Variants in SLC2A9 observed in about 807,000 individuals in gnomAD.
The protein encoded by SLC2A9 is solute carrier family 2, facilitated glucose transporter member 9.
Under a neutral mutation model 50.6 loss-of-function variants are expected in SLC2A9, and 39 were observed. That is an observed-to-expected ratio of 0.77 (90% CI 0.60 to 1.01). SLC2A9 has a LOEUF of 1.01. SLC2A9 is among the 50% of genes least tolerant of loss of function. The pLI, the probability that SLC2A9 is intolerant of heterozygous loss-of-function variation, is 0.00. For missense variants in SLC2A9, 686 were observed against 677.6 expected (o/e 1.01, Z -0.14); for synonymous variants, 324 against 276.9 (o/e 1.17, Z -1.69).
At chr4:9,970,460 C>T (rs1346627133) in intron 5 of SLC2A9, among the ~76,000 whole-genome samples, 1 of 152,014 alleles carries the variant, frequency 6.6e-6, no homozygotes, top group African/African-American at 2.4e-5. Context: ...CTGGGCATCC[C>T]TGCTTTGGGG....
chr4:9,936,368 C>T (rs187218247), intron 6 of SLC2A9, among the ~76,000 whole-genome samples: 2 of 152,298 alleles, frequency 1.3e-5, no homozygotes, highest in African/African-American at 4.8e-5. Flanking sequence ...AGTCACACAG[C>T]TGTGGTATGG....
Position 9,996,785 on chromosome 4 carries a change from C to T in SLC2A9, c.406G>A (p.Gly136Arg). ...LIVKMIGKVL[G>R]RKHTLLANNG... is the part of the protein sequence containing the mutation. ...TAGAGACAGCCTCCTACTGACCTCC[C>T]AAGAACCTTTCCAATCATCTTCACA... Residue 136 changes from glycine to arginine, a missense_variant, in exon 3 of 12, where the codon GGG (glycine) becomes AGG (arginine). By Grantham distance (125) the Gly-to-Arg change is moderately radical. Transcript: ENST00000264784. 10 of 1,613,624 alleles carry T rather than the reference C, an allele frequency of 6.2e-6. No individual in the cohort carries two copies. Among genetic ancestry groups the T allele is most frequent in the Non-Finnish European group, 8.5e-6 (10 of 1,179,700 alleles).
intron 3 of SLC2A9, among the ~76,000 whole-genome samples, chr4:9,790,421 T>C (rs1254123592): frequency 2.0e-5 from 3 of 152,152 alleles, no homozygotes; most frequent in African/African-American, 7.2e-5. Context: ...AATTTGTAGA[T>C]TTGGGAAAGC....
chr4:9,994,836 G>C (rs748563016), intron 3 of SLC2A9, among the ~76,000 whole-genome samples: 1 of 152,040 alleles, frequency 6.6e-6, no homozygotes, highest in Non-Finnish European at 1.5e-5. Flanking sequence ...AAAGCAAGGA[G>C]ACATCACAGG....
rs138627925 is a variant in SLC2A9 at position 10,021,271 on chromosome 4, C to T, written c.150+9G>A. 4,759 of 1,612,978 alleles carry T rather than the reference C, an allele frequency of 3.0e-3. 11 individuals carry two copies. The highest frequency in any genetic ancestry group is 9.5e-3 in the Middle Eastern group (49 of 5,174). ...CCGCCAGCCATGCAGAAAAGCTGTC[C>T]GTAGTTACCTTTCTTCTCCTTCCAC... On this transcript the variant is annotated intron_variant, in intron 1 of 11. Transcript: ENST00000264784.
downstream of SLC2A9, among the ~76,000 whole-genome samples, chr4:9,778,053 T>TTCCTTCC (rs1717807321): frequency 7.1e-4 from 10 of 14,058 alleles, no homozygotes; most frequent in East Asian, 4.1e-3. Context: ...TCTTTCTTTC[T>TTCCTTCC]TTCCTTCCTT....
At chr4:9,914,490 G>A (rs1398823669) in intron 7 of SLC2A9, among the ~76,000 whole-genome samples, 2 of 152,286 alleles carry the variant, frequency 1.3e-5, no homozygotes, top group Admixed American at 6.5e-5. Flanking sequence ...GTTGCACCCC[G>A]ACTACAGCTG....
chr4:9,911,385 C>T (rs944722424), intron 7 of SLC2A9, among the ~76,000 whole-genome samples: 1 of 152,162 alleles, frequency 6.6e-6, no homozygotes, highest in African/African-American at 2.4e-5. Context: ...GGGAAGGTGA[C>T]TGCCTTCAGC....
chr4:10,000,599 T>C (rs1759609204), intron 2 of SLC2A9, among the ~76,000 whole-genome samples: 1 of 152,208 alleles, frequency 6.6e-6, no homozygotes, highest in Non-Finnish European at 1.5e-5. Flanking sequence ...TGGCTCCTAG[T>C]AGCAGTTTTG....
intron 3 of SLC2A9, among the ~76,000 whole-genome samples, chr4:9,800,436 T>G (rs570265259): frequency 6.6e-6 from 1 of 152,210 alleles, no homozygotes; most frequent in South Asian, 2.1e-4. Flanking sequence ...GACACAGGCA[T>G]GTATAGAAGA....
At chr4:9,895,618 A>G (rs750640007) in intron 8 of SLC2A9, among the ~76,000 whole-genome samples, 1 of 152,174 alleles carries the variant, frequency 6.6e-6, no homozygotes, top group Non-Finnish European at 1.5e-5. Flanking sequence ...GCCCTTCCCC[A>G]CAGGGCTGGG....
rs539432087 is a variant in SLC2A9 at position 9,869,008 on chromosome 4, G to C, written c.1291+18559C>G. On this transcript the variant is annotated intron_variant, in intron 10 of 11. Transcript: ENST00000264784. ...AAGAGGTTATTCCCTGCTCAGCCAG[G>C]CTCCCTGATGTTTTTATTTTAGTGT... is the stretch of plus-strand genomic sequence containing the variant. Among the ~76,000 whole-genome samples, 13 of 152,188 alleles carry C rather than the reference G, an allele frequency of 8.5e-5. No homozygotes were observed. The South Asian group carries it at 1.2e-3, about 15-fold the overall frequency.
chr4:9,962,929 G>A (rs148498525), intron 5 of SLC2A9, among the ~76,000 whole-genome samples: 5 of 152,246 alleles, frequency 3.3e-5, no homozygotes, highest in Non-Finnish European at 5.9e-5. Context: ...TATTCCCTGT[G>A]CCTGGAATGG....
intron 7 of SLC2A9, among the ~76,000 whole-genome samples, chr4:9,917,701 C>G (rs1743136320): frequency 6.6e-6 from 1 of 152,158 alleles, no homozygotes; most frequent in African/African-American, 2.4e-5. Context: ...ACTGAGCCAT[C>G]TGTGATGTTT....
Position 10,019,081 on chromosome 4 carries a change from G to A in SLC2A9, c.151-8C>T. On this transcript the variant is annotated splice_polypyrimidine_tract_variant and splice_region_variant and intron_variant, in intron 1 of 11. Transcript: ENST00000264784. ...GAGCGAGCAGGACCAGTCCTGAGGGGAGAGGAAACCACGTCAGAGCCGGCA... is the reference window on the plus strand; with the variant it reads ...GAGCGAGCAGGACCAGTCCTGAGGGAAGAGGAAACCACGTCAGAGCCGGCA... 1.3e-6 allele frequency: 2 copies of A among 1,550,914 alleles called. No individual in the cohort carries two copies. The highest frequency in any genetic ancestry group is 1.7e-4 in the Middle Eastern group (1 of 5,842).
chr4:9,971,437 C>T (rs1337058835), intron 5 of SLC2A9, among the ~76,000 whole-genome samples: 1 of 152,116 alleles, frequency 6.6e-6, no homozygotes, highest in Non-Finnish European at 1.5e-5. Context: ...TAGTAAATGC[C>T]TACAGAATAG....
At chr4:9,827,787 T>TC (rs1307276741) in intron 11 of SLC2A9, among the ~76,000 whole-genome samples, 1 of 152,152 alleles carries the variant, frequency 6.6e-6, no homozygotes, top group Non-Finnish European at 1.5e-5. Context: ...TACAAAGACT[T>TC]CAAGAGTAGT....
intron 3 of SLC2A9, chr4:9,782,131 G>A (rs1252108593): frequency 6.4e-7 from 1 of 1,551,150 alleles, no homozygotes; most frequent in East Asian, 2.3e-5. Flanking sequence ...CGGGGGCACC[G>A]CCACTGGGGC....
chr4:9,834,005 C>G (rs779748649), intron 11 of SLC2A9, among the ~76,000 whole-genome samples: 66 of 152,192 alleles, frequency 4.3e-4, no homozygotes, highest in Non-Finnish European at 8.1e-4. Context: ...GATCCTCTCT[C>G]TCACCCATCT....
Sources: gnomAD v4.1 joint callset for allele counts (sites outside exome capture counted in the v4.1 genomes callset) on GRCh38, gnomAD v4.1.1 for gene constraint, MANE v1.5 for transcripts, NCBI Gene and HGNC (gene_info 2026-07-23, HGNC 2026-07-21) for gene names.